The following PTGIS variants were observed in gnomAD, a reference collection of about 807,000 sequenced individuals.
PTGIS encodes prostaglandin I2 synthase.
PTGIS carries 45 observed loss-of-function variants against 50.3 expected under a neutral mutation model. The ratio of observed to expected loss-of-function variants is 0.90; its 90% confidence interval spans 0.70 to 1.15. The LOEUF (loss-of-function observed/expected upper bound fraction) is 1.15, where lower values mean the gene tolerates loss of function less well. Among genes scored for constraint, PTGIS ranks in the 50% most tolerant of loss-of-function variants. The pLI is 0.00. For synonymous variants in PTGIS, 260 were observed against 267.7 expected (o/e 0.97, Z 0.28); for missense variants, 668 against 661.3 (o/e 1.01, Z -0.11).
chr20:49,510,635 C>T (rs139693537), intron 9 of PTGIS, among the ~76,000 whole-genome samples: 53 of 152,252 alleles, frequency 3.5e-4, no homozygotes, highest in South Asian at 6.2e-4. Context: ...CTCGGCCCCA[C>T]AGGTATTAAA....
intron 1 of PTGIS, among the ~76,000 whole-genome samples, chr20:49,564,740 A>C (rs1453480365): frequency 6.6e-6 from 1 of 152,156 alleles, no homozygotes; most frequent in Non-Finnish European, 1.5e-5. Flanking sequence ...TACTGGGATA[A>C]GCATGAATTT....
intron 1 of PTGIS, among the ~76,000 whole-genome samples, chr20:49,566,411 T>C (rs76505557): frequency 0.018 from 2,801 of 152,362 alleles, 96 homozygotes; most frequent in African/African-American, 0.064. Flanking sequence ...TCTGAAAACA[T>C]TTCTATACAG....
chr20:49,533,413 C>G (rs1981986254), intron 5 of PTGIS, among the ~76,000 whole-genome samples: 2 of 152,132 alleles, frequency 1.3e-5, no homozygotes, highest in African/African-American at 2.4e-5. Flanking sequence ...GTCTGTTTAA[C>G]TGTCCCCTGC....
At chr20:49,553,892 G>A (rs1982567105) in intron 1 of PTGIS, among the ~76,000 whole-genome samples, 1 of 152,074 alleles carries the variant, frequency 6.6e-6, no homozygotes, top group Non-Finnish European at 1.5e-5. Flanking sequence ...TAAATGGTTT[G>A]TGTAAGTCAT....
intron 9 of PTGIS, among the ~76,000 whole-genome samples, chr20:49,509,003 A>G (rs1453537269): frequency 6.6e-6 from 1 of 152,172 alleles, no homozygotes; most frequent in Non-Finnish European, 1.5e-5. Flanking sequence ...CATGGTGGGG[A>G]TTCTTTTGTC....
intron 1 of PTGIS, among the ~76,000 whole-genome samples, chr20:49,565,132 G>A (rs1001666565): frequency 9.8e-5 from 12 of 122,396 alleles, no homozygotes; most frequent in Non-Finnish European, 1.3e-4. Flanking sequence ...CACCACGCCC[G>A]GCTAATTTTT....
At chr20:49,518,108 G>A (rs75435316) in intron 6 of PTGIS, among the ~76,000 whole-genome samples, 94 of 152,384 alleles carry the variant, frequency 6.2e-4, no homozygotes, top group African/African-American at 2.0e-3. Flanking sequence ...CTCTGAGGAT[G>A]TAGCCTGGCA....
chr20:49,513,383 A>G, intron 7 of PTGIS, 122 bp from the exon 8 acceptor site: 1 of 1,092,468 alleles, frequency 9.2e-7, no homozygotes. Context: ...TGCCTCGCCC[A>G]CACAGTCACA....
chr20:49,515,357 T>G (rs1981448795), intron 6 of PTGIS, among the ~76,000 whole-genome samples: 1 of 152,226 alleles, frequency 6.6e-6, no homozygotes, highest in African/African-American at 2.4e-5. Context: ...CTTCAAGGCT[T>G]CAGTCTTAGC....
At chr20:49,564,712 C>T (rs554391750) in intron 1 of PTGIS, among the ~76,000 whole-genome samples, 1 of 152,052 alleles carries the variant, frequency 6.6e-6, no homozygotes, top group East Asian at 1.9e-4. Context: ...TTGCTCACTC[C>T]CAGAAGTAGT....
chr20:49,520,635 C>G (rs1289069290), intron 6 of PTGIS, among the ~76,000 whole-genome samples: 1 of 151,992 alleles, frequency 6.6e-6, no homozygotes, highest in African/African-American at 2.4e-5. Context: ...CGCCTGACTT[C>G]TAATACATTT....
rs1208928827 is a variant in PTGIS, at chr20:49,519,826, A to C, written c.855+4232T>G. On this transcript the variant is annotated intron_variant, in intron 6 of 9. Transcript: ENST00000244043. ...GATTCATCCTTGATGGCCTCCCCCA[A>C]GGTCCCATCCAACAGCGGATCCTGT... Among the ~76,000 whole-genome samples, 3 of 151,038 alleles carry C rather than the reference A, an allele frequency of 2.0e-5. No individual in the cohort carries two copies. In the East Asian group the frequency reaches 5.8e-4, roughly 29 times the overall value.
chr20:49,522,444 C>T (rs924965568), intron 6 of PTGIS, among the ~76,000 whole-genome samples: 1 of 151,990 alleles, frequency 6.6e-6, no homozygotes, highest in Non-Finnish European at 1.5e-5. Context: ...TCCTGACCCC[C>T]CAAATGGTAA....
At chr20:49,556,394 C>T (rs535080) in intron 1 of PTGIS, among the ~76,000 whole-genome samples, 11,591 of 152,204 alleles carry the variant, frequency 0.076, 487 homozygotes, top group African/African-American at 0.11. Flanking sequence ...TATACCCTGT[C>T]GTTTACAGGG....
Position 49,507,991 on chromosome 20 carries a change from G to A in PTGIS, c.1432C>T (p.Leu478Phe), listed in dbSNP as rs761195637. 4 of 1,613,928 alleles carry A rather than the reference G, an allele frequency of 2.5e-6. No homozygotes were observed. Among genetic ancestry groups the A allele is most frequent in the East Asian group, 2.2e-5 (1 of 44,888 alleles). ...NADVEIPEFDLSRYGFGLMQP... is the reference protein window; with the variant it reads ...NADVEIPEFDFSRYGFGLMQP... ...ATCAGACCGAAGCCGTACCTGCTGA[G>A]GTCAAACTCAGGGATCTCCACATCT... The change falls in exon 10 of 10, where the codon CTC becomes TTC. Residue 478 changes from leucine to phenylalanine, a missense_variant. By Grantham distance (22) the Leu-to-Phe change is conservative. Transcript: ENST00000244043.
chr20:49,529,857 A>T (rs560424529), intron 5 of PTGIS, among the ~76,000 whole-genome samples: 1 of 152,270 alleles, frequency 6.6e-6, no homozygotes, highest in African/African-American at 2.4e-5. Context: ...CCTCATTTAT[A>T]AATTAAACTT....
rs775203572 is a variant in PTGIS at position 49,550,108 on chromosome 20, G to C, written c.156C>G (p.Ser52Arg). 1.2e-6 allele frequency: 2 copies of C among 1,614,214 alleles called. No homozygotes were observed. The highest frequency in any genetic ancestry group is 1.7e-6 in the Non-Finnish European group (2 of 1,180,040). ...GCTTCTCCTTCATCCTCGTGAGGAA[G>C]CTGGCAGCATCTTTTCCAAAGTCCA... ...YALDFGKDAA[S>R]FLTRMKEKHG... Residue 52 changes from serine to arginine, a missense_variant, in exon 2 of 10, where the codon AGC becomes AGG. Physicochemically the swap from Ser to Arg is moderately radical, Grantham distance 110. Transcript: ENST00000244043.
chr20:49,567,905 T>A, intron 1 of PTGIS, 138 bp downstream of exon 1: 1 of 782,944 alleles, frequency 1.3e-6, no homozygotes, highest in Non-Finnish European at 1.8e-6. Context: ...GACTCCCACC[T>A]CCGAGGGTCT....
rs777042748 is a variant in PTGIS, at chr20:49,513,064, C to T, written c.1206+16G>A. ...CTCCCACAGACCCCATATGACCAGG[C>T]GCCCCTGCCATTTACCTCTGGGTCT... On this transcript the variant is annotated intron_variant, in intron 8 of 9. Transcript: ENST00000244043. 16 of 1,613,908 alleles carry T rather than the reference C, an allele frequency of 9.9e-6. No homozygotes were observed. Among genetic ancestry groups the T allele is most frequent in the Admixed American group, 1.7e-5 (1 of 60,000 alleles).
Sources: allele counts gnomAD v4.1 joint callset (sites outside exome capture counted in the v4.1 genomes callset), GRCh38; gene constraint gnomAD v4.1.1; transcripts MANE v1.5; gene names NCBI Gene and HGNC (gene_info 2026-07-23, HGNC 2026-07-21).